CDH10: variants seen among roughly 807,000 people sequenced by gnomAD.
CDH10 encodes cadherin-10.
A neutral mutation model predicts 73.1 loss-of-function variants in CDH10; 30 were observed. The observed-to-expected ratio is 0.41, with a 90% confidence interval of 0.31 to 0.56. CDH10 has a LOEUF of 0.56. Among genes scored for constraint, CDH10 ranks in the 20% least tolerant of loss-of-function variants. CDH10 has a pLI of 0.27. For missense variants in CDH10, 815 were observed against 973.7 expected (o/e 0.84, Z 2.17); for synonymous variants, 345 against 348.2 (o/e 0.99, Z 0.10).
intron 2 of CDH10, among the ~76,000 whole-genome samples, chr5:24,559,321 GT>G (rs759564276): frequency 6.6e-5 from 10 of 151,906 alleles, no homozygotes; most frequent in Non-Finnish European, 5.9e-5. Flanking sequence ...TTACTGCTTG[GT>G]TCTGACATTG....
intron 1 of CDH10, among the ~76,000 whole-genome samples, chr5:24,632,212 T>C (rs1747724789): frequency 6.6e-6 from 1 of 152,114 alleles, no homozygotes; most frequent in African/African-American, 2.4e-5. Flanking sequence ...TCTTTCTATA[T>C]TTATGATCCA....
chr5:24,552,327 T>A (rs1226699094), intron 2 of CDH10, among the ~76,000 whole-genome samples: 1 of 152,056 alleles, frequency 6.6e-6, no homozygotes, highest in Non-Finnish European at 1.5e-5. Flanking sequence ...CTATTATGTA[T>A]TCTAGTAAAT....
intron 1 of CDH10, among the ~76,000 whole-genome samples, chr5:24,616,484 A>G (rs1747132999): frequency 6.6e-6 from 1 of 152,212 alleles, no homozygotes; most frequent in Non-Finnish European, 1.5e-5. Context: ...TGAATGGTAG[A>G]AATAAATGGC....
rs1215969812 is a variant in CDH10, at chr5:24,537,892, A to C, written c.232-218T>G. ...TCAGGATACTTTTTATTCTAAATGA[A>C]AAAAATGTAATAAAATTAAACCAAG... On this transcript the variant is annotated intron_variant, in intron 2 of 11. Coordinates refer to ENST00000264463, the MANE Select transcript of CDH10 (RefSeq NM_006727.5). Among the ~76,000 whole-genome samples, 5 of 152,194 alleles carry C rather than the reference A, an allele frequency of 3.3e-5. No homozygotes were observed. The South Asian group carries it at 8.3e-4, about 25-fold the overall frequency.
chr5:24,590,313 T>C (rs1398080460), intron 2 of CDH10, among the ~76,000 whole-genome samples: 1 of 151,452 alleles, frequency 6.6e-6, no homozygotes, highest in Non-Finnish European at 1.5e-5. Context: ...AGTTTTTAAA[T>C]ACACATATAA....
chr5:24,509,892 G>T (rs2111755988), intron 6 of CDH10, 73 bp from the exon 7 acceptor site: 2 of 1,212,920 alleles, frequency 1.6e-6, no homozygotes, highest in Non-Finnish European at 1.2e-6. Context: ...GTTACAGTAT[G>T]ATTTTTAAGT....
At chr5:24,597,879 G>A (rs908117010) in intron 1 of CDH10, among the ~76,000 whole-genome samples, 1 of 151,620 alleles carries the variant, frequency 6.6e-6, no homozygotes, top group Admixed American at 6.6e-5. Flanking sequence ...CTAATAAAAG[G>A]AATTAGTCCT....
At chr5:24,539,732 G>C (rs1418324610) in intron 2 of CDH10, among the ~76,000 whole-genome samples, 6 of 151,970 alleles carry the variant, frequency 3.9e-5, no homozygotes, top group East Asian at 1.9e-4. Context: ...TAACTAAAAA[G>C]CTTTCCGAAG....
chr5:24,501,063 G>C (rs1052690066), intron 8 of CDH10, among the ~76,000 whole-genome samples: 5 of 152,104 alleles, frequency 3.3e-5, no homozygotes, highest in African/African-American at 1.2e-4. Flanking sequence ...AAGTGGGAAG[G>C]TATGCTTCTT....
At chr5:24,488,304 G>T in intron 11 of CDH10, 151 bp from the exon 12 acceptor site, 1 of 674,616 alleles carries the variant, frequency 1.5e-6, no homozygotes, top group Non-Finnish European at 2.4e-6. Context: ...TTTGGGGGAG[G>T]TGTCAGGGGA....
chr5:24,592,946 G>A (rs1746249539), intron 2 of CDH10, among the ~76,000 whole-genome samples: 1 of 151,342 alleles, frequency 6.6e-6, no homozygotes, highest in Non-Finnish European at 1.5e-5. Context: ...TCATTTAAAT[G>A]ACTGTATTTA....
intron 5 of CDH10, among the ~76,000 whole-genome samples, chr5:24,529,908 T>C (rs1164658276): frequency 6.6e-6 from 1 of 151,954 alleles, no homozygotes; most frequent in African/African-American, 2.4e-5. Context: ...CAGGAGCTCA[T>C]ACCCATTGTT....
intron 5 of CDH10, among the ~76,000 whole-genome samples, chr5:24,520,822 G>A (rs1202690727): frequency 2.0e-5 from 3 of 152,008 alleles, no homozygotes; most frequent in Admixed American, 2.0e-4. Context: ...CACCTCCCAG[G>A]TTCAAGCAAT....
chr5:24,488,733 G>C (rs977917709), intron 11 of CDH10, among the ~76,000 whole-genome samples: 2 of 151,584 alleles, frequency 1.3e-5, no homozygotes, highest in Non-Finnish European at 2.9e-5. Context: ...AGATTAGTTA[G>C]AGTTAGATGA....
intron 1 of CDH10, among the ~76,000 whole-genome samples, chr5:24,635,231 T>C (rs1367754580): frequency 6.6e-6 from 1 of 151,934 alleles, no homozygotes; most frequent in Non-Finnish European, 1.5e-5. Context: ...TTTATAGGTA[T>C]CAAAACGTTA....
intron 2 of CDH10, among the ~76,000 whole-genome samples, chr5:24,591,456 C>A (rs1355903169): frequency 1.3e-5 from 2 of 151,920 alleles, no homozygotes; most frequent in African/African-American, 4.8e-5. Context: ...AAATTCCTTA[C>A]ACCAACACTC....
At chr5:24,588,489 A>G (rs1746093679) in intron 2 of CDH10, among the ~76,000 whole-genome samples, 2 of 152,278 alleles carry the variant, frequency 1.3e-5, no homozygotes, top group African/African-American at 4.8e-5. Flanking sequence ...TGTTTTCTAC[A>G]TACTGAACTC....
chr5:24,521,554 G>A (rs1018480510), intron 5 of CDH10, among the ~76,000 whole-genome samples: 8 of 152,050 alleles, frequency 5.3e-5, no homozygotes, highest in African/African-American at 1.9e-4. Flanking sequence ...GGAGGTTGCG[G>A]TGAGCTGAGA....
intron 1 of CDH10, among the ~76,000 whole-genome samples, chr5:24,628,594 T>G (rs1240579726): frequency 2.0e-5 from 3 of 152,110 alleles, no homozygotes; most frequent in Admixed American, 1.3e-4. Context: ...AGGTTGATAC[T>G]TTTTTACCCT....
Sources: gnomAD v4.1 joint callset for allele counts (sites outside exome capture counted in the v4.1 genomes callset) on GRCh38, gnomAD v4.1.1 for gene constraint, MANE v1.5 for transcripts, NCBI Gene and HGNC (gene_info 2026-07-23, HGNC 2026-07-21) for gene names.